Variants in TPM2 observed in about 807,000 individuals in gnomAD.
TPM2 encodes tropomyosin beta chain.
Under a neutral mutation model 41.0 loss-of-function variants are expected in TPM2, and 26 were observed. The observed-to-expected ratio is 0.63, with a 90% confidence interval of 0.46 to 0.88. The LOEUF (loss-of-function observed/expected upper bound fraction) is 0.88, where lower values mean the gene tolerates loss of function less well. TPM2 is among the 40% of genes least tolerant of loss of function. The pLI is 0.00. For missense variants in TPM2, 187 were observed against 355.2 expected, an observed-to-expected ratio of 0.53 and a Z score of 3.81; for synonymous variants, 143 against 139.3, an observed-to-expected ratio of 1.03 and a Z score of -0.19.
chr9:35,689,675 G>A lies in TPM2; in HGVS notation c.114+29C>T, dbSNP rs369064198. On this transcript the variant is annotated intron_variant, in intron 1 of 8. Transcript: ENST00000645482. ...CCCACCCTTGCCCTAGGCGCGGGGA[G>A]AGCAGGCTGCACTGGGCCCGGCCCT... 1.9e-6 allele frequency: 3 copies of A among 1,610,364 alleles called. No individual in the cohort carries two copies. In the African/African-American group the frequency reaches 4.0e-5, roughly 21 times the overall value.
chr9:35,685,232 G>C lies in TPM2; in HGVS notation c.563+37C>G. On this transcript the variant is annotated intron_variant, in intron 5 of 8. Transcript: ENST00000645482. The surrounding 1 kb of genome is among the most constrained non-coding windows in gnomAD (Gnocchi z 5.0). ...TTCCCACTGTGTGGAAGGCCCCAGG[G>C]CCAATGGGCTCACTTGTCACCCCCG... 1 of 1,614,182 alleles carries C rather than the reference G, an allele frequency of 6.2e-7. No homozygotes were observed. The highest frequency in any genetic ancestry group is 8.5e-7 in the Non-Finnish European group (1 of 1,180,022).
At chr9:35,684,611 T>A in intron 6 of TPM2, 61 bp from the exon 7 acceptor site, 1 of 1,613,594 alleles carries the variant, frequency 6.2e-7, no homozygotes, top group Non-Finnish European at 8.5e-7. Flanking sequence ...ATTTCTCCAT[T>A]GTACCCCGTA....
At chr9:35,682,407 A>T (rs1186936532), downstream of TPM2, 17 of 1,236,794 alleles carry the variant, frequency 1.4e-5, no homozygotes, top group South Asian at 1.9e-4. Flanking sequence ...GGGCTGAGTC[A>T]TAAACTACTT....
rs1476220634 is a variant in TPM2, at chr9:35,682,942, A to G, written c.*217T>C. 1 of 1,507,002 alleles carries G rather than the reference A, an allele frequency of 6.6e-7. No individual in the cohort carries two copies. Among genetic ancestry groups the G allele is most frequent in the Non-Finnish European group, 8.9e-7 (1 of 1,123,048 alleles). 93.4% of individuals were successfully genotyped at this position (1,507,002 alleles called of 1,614,324 possible). On this transcript the variant is annotated 3_prime_UTR_variant, in exon 9 of 9. Coordinates refer to ENST00000645482, the MANE Select transcript of TPM2 (RefSeq NM_003289.4). ...AAAACAGCATGGAGACCAAGTTCAG[A>G]ATTTATTAAGCAGCAAAGGAGGGTG...
rs756671460 is a variant in TPM2 at position 35,684,299 on chromosome 9, T to C, written c.719A>G (p.Glu240Gly). ...CTTTGCCACAGACCTCTCGGCAAACTCTGCTCGGGTCTCAGCCTGGGGGTA... is the reference window on the plus strand; with the variant it reads ...CTTTGCCACAGACCTCTCGGCAAACCCTGCTCGGGTCTCAGCCTGGGGGTA... ...EKLKEAETRA[E>G]FAERSVAKLE... The change falls in exon 8 of 9, where the codon GAG becomes GGG. Residue 240 changes from glutamate to glycine, a missense_variant. Coordinates refer to ENST00000645482, the MANE Select transcript of TPM2 (RefSeq NM_003289.4). The C allele has an allele frequency of 6.2e-7, 1 of 1,614,188 alleles. No individual in the cohort carries two copies. The highest frequency in any genetic ancestry group is 8.5e-7 in the Non-Finnish European group (1 of 1,180,024).
At chr9:35,690,006 G>C (rs1026525300), upstream of TPM2, 11 of 1,443,278 alleles carry the variant, frequency 7.6e-6, no homozygotes, top group Middle Eastern at 2.5e-4. Flanking sequence ...CCCCACCTCG[G>C]CCCAAACCTT....
chr9:35,689,042 G>A (rs1448830114), intron 2 of TPM2, 104 bp downstream of exon 2: 7 of 1,339,904 alleles, frequency 5.2e-6, no homozygotes, highest in African/African-American at 2.9e-5. Flanking sequence ...TCCTGGCGCT[G>A]GGGACATAAG....
downstream of TPM2, chr9:35,682,178 A>C (rs1445107816): frequency 6.2e-7 from 1 of 1,614,036 alleles, no homozygotes; most frequent in East Asian, 2.2e-5. Context: ...GAGGGGAAGC[A>C]GCAGGTGAGG....
At position 35,683,255 on chromosome 9, in the gene TPM2, A is replaced by G. The variant is rs201487633; in HGVS notation, c.773-14T>C. The G allele has an allele frequency of 6.7e-7, 1 of 1,487,232 alleles. No individual in the cohort carries two copies. The highest frequency in any genetic ancestry group is 2.5e-5 in the East Asian group (1 of 39,486). 92.1% of individuals were successfully genotyped at this position (1,487,232 alleles called of 1,614,324 possible). On this transcript the variant is annotated splice_polypyrimidine_tract_variant and intron_variant, in intron 8 of 8. Coordinates refer to ENST00000645482, the MANE Select transcript of TPM2 (RefSeq NM_003289.4). Reference sequence around the variant, plus strand: ...CATAGACTTCATCTGGGGGGGGTCCAGGGAGGGGACCAGGTGGGAGTGTGG... The same window carrying G: ...CATAGACTTCATCTGGGGGGGGTCCGGGGAGGGGACCAGGTGGGAGTGTGG...
At position 35,685,589 on chromosome 9, in the gene TPM2, C is replaced by A. The variant is rs1236852502; in HGVS notation, c.375-38G>T. On this transcript the variant is annotated intron_variant, in intron 3 of 8. Coordinates refer to ENST00000645482, the MANE Select transcript of TPM2 (RefSeq NM_003289.4). The surrounding 1 kb of genome is among the most constrained non-coding windows in gnomAD (Gnocchi z 5.0). ...GAGAGGGTGAGCGTAGGGTCAGGAC[C>A]AGCAGAGACAGGCTCCCTTCTCCCT... 5 of 1,614,018 alleles carry A rather than the reference C, an allele frequency of 3.1e-6. No individual in the cohort carries two copies. The highest frequency in any genetic ancestry group is 4.2e-6 in the Non-Finnish European group (5 of 1,180,016).
At chr9:35,684,886 C>T (rs1022315312) in intron 5 of TPM2, 79 bp from the exon 6 acceptor site, 75 of 1,612,566 alleles carry the variant, frequency 4.7e-5, no homozygotes, top group Non-Finnish European at 5.9e-5. Flanking sequence ...CAGCAGGGGA[C>T]GGGTGGAGGA....
Position 35,684,506 on chromosome 9 carries a change from C to T in TPM2, c.684G>A (p.Leu228=). Reference sequence around the variant, plus strand: ...CTCTCACCTCCTTCAGCTTCTCCTCCAACAGTTTGATCTCCTCTTCATATT... The same window carrying T: ...CTCTCACCTCCTTCAGCTTCTCCTCTAACAGTTTGATCTCCTCTTCATATT... The part of the protein sequence containing the change: ...EDKYEEEIKL[L]EEKLKEAETR... The change falls in exon 7 of 9, where the codon TTG becomes TTA. Residue 228 remains leucine (L), a synonymous_variant. Transcript: ENST00000645482. 1 of 1,614,202 alleles carries T rather than the reference C, an allele frequency of 6.2e-7. No homozygotes were observed. Among genetic ancestry groups the T allele is most frequent in the African/African-American group, 1.3e-5 (1 of 75,044 alleles).
intron 2 of TPM2, 129 bp downstream of exon 2, chr9:35,689,017 A>C (rs1825097253): frequency 1.7e-6 from 2 of 1,143,530 alleles, no homozygotes; most frequent in Admixed American, 3.6e-5. Flanking sequence ...GGTTACTGAG[A>C]TGAAACCATT....
At chr9:35,682,329 G>A, downstream of TPM2, 2 of 965,118 alleles carry the variant, frequency 2.1e-6, no homozygotes, top group South Asian at 1.4e-5. Flanking sequence ...GACTGACTAG[G>A]ATGAGGGGAA....
chr9:35,685,873 G>A lies in TPM2; in HGVS notation c.241-93C>T. The A allele has an allele frequency of 6.3e-7, 1 of 1,590,996 alleles. No individual in the cohort carries two copies. The highest frequency in any genetic ancestry group is 1.7e-5 in the Admixed American group (1 of 59,466). Reference sequence around the variant, plus strand: ...AGGATGGCGAGATTCTTCTCAGAAAGAACTGAGGCTTCCTGGTTTCTAGAC... The same window carrying A: ...AGGATGGCGAGATTCTTCTCAGAAAAAACTGAGGCTTCCTGGTTTCTAGAC... On this transcript the variant is annotated intron_variant, in intron 2 of 8. Coordinates refer to ENST00000645482, the MANE Select transcript of TPM2 (RefSeq NM_003289.4). The surrounding 1 kb of genome is among the most constrained non-coding windows in gnomAD (Gnocchi z 5.0).
chr9:35,689,895 C>T lies in TPM2; in HGVS notation c.-78G>A, dbSNP rs1486171962. On this transcript the variant is annotated 5_prime_UTR_variant, in exon 1 of 9. Coordinates refer to ENST00000645482, the MANE Select transcript of TPM2 (RefSeq NM_003289.4). ...GGCTGGGTGAGCGGACTGGGTGCACCGGTGGCAGGCGAGGAGGACGGAGCG... is the reference window on the plus strand; with the variant it reads ...GGCTGGGTGAGCGGACTGGGTGCACTGGTGGCAGGCGAGGAGGACGGAGCG... The T allele has an allele frequency of 2.5e-6, 4 of 1,606,224 alleles. No homozygotes were observed. In the African/African-American group the frequency reaches 4.0e-5, roughly 16 times the overall value.
At chr9:35,682,742 A>C (rs531647170), downstream of TPM2, 1 of 1,318,322 alleles carries the variant, frequency 7.6e-7, no homozygotes, top group Admixed American at 2.3e-5. Flanking sequence ...GCCCACATGC[A>C]GTGGTGAATC....
downstream of TPM2, chr9:35,682,611 T>TCCTGCACCTCA (rs1226012133): frequency 3.9e-6 from 5 of 1,295,108 alleles, no homozygotes; most frequent in African/African-American, 1.5e-5. Flanking sequence ...CTTGCCCCTG[T>TCCTGCACCTCA]CCTGCACCTC....
intron 7 of TPM2, 39 bp from the exon 8 acceptor site, chr9:35,684,354 T>C (rs370373230): frequency 1.9e-6 from 3 of 1,612,738 alleles, no homozygotes; most frequent in Admixed American, 3.3e-5. Flanking sequence ...GGCAAAGAAT[T>C]AGGCCCTCCC....
Sources: allele counts gnomAD v4.1 joint callset, GRCh38; gene constraint gnomAD v4.1.1; non-coding constraint Gnocchi (gnomAD v3.1); transcripts MANE v1.5; gene names NCBI Gene and HGNC (gene_info 2026-07-23, HGNC 2026-07-21).